Variants in HYDIN observed in about 807,000 individuals in gnomAD.
The protein encoded by HYDIN is HYDIN axonemal central pair apparatus protein, also known as axonemal central pair apparatus protein HYDIN.
Under a neutral mutation model 403.9 loss-of-function variants are expected in HYDIN, and 132 were observed. That is an observed-to-expected ratio of 0.33 (90% CI 0.28 to 0.38). HYDIN has a LOEUF of 0.38. Among genes scored for constraint, HYDIN ranks in the 10% least tolerant of loss-of-function variants. The pLI, the probability that HYDIN is intolerant of heterozygous loss-of-function variation, is 1.00. For synonymous variants in HYDIN, 1,202 were observed against 1,891.7 expected (o/e 0.64, Z 9.46); for missense variants, 2,827 against 5,009.5 (o/e 0.56, Z 13.15).
At chr16:70,927,949 TAA>T (rs796753706) in intron 45 of HYDIN, among the ~76,000 whole-genome samples, 1 of 132,720 alleles carries the variant, frequency 7.5e-6, no homozygotes. Context: ...AACCTGTACC[TAA>T]AAAAAAAAAA....
chr16:70,918,005 T>C (rs113106780), intron 47 of HYDIN, among the ~76,000 whole-genome samples: 2 of 151,240 alleles, frequency 1.3e-5, no homozygotes, highest in African/African-American at 4.9e-5. Flanking sequence ...TCTTAGGAGG[T>C]AGGACAAGTC....
chr16:70,981,267 A>G, intron 29 of HYDIN, 124 bp downstream of exon 29: 11 of 1,399,146 alleles, frequency 7.9e-6, no homozygotes, highest in South Asian at 1.7e-5. Context: ...TTGCAGAATA[A>G]CGTGGAAGAG....
At chr16:71,066,372 C>T (rs1158299805) in intron 15 of HYDIN, 2 of 154,360 alleles carry the variant, frequency 1.3e-5, no homozygotes, top group African/African-American at 4.8e-5. Context: ...AAGCCCAAGA[C>T]ACGTGAAATA....
chr16:71,185,045 TG>T, intron 2 of HYDIN, 55 bp from the exon 3 acceptor site: 2 of 1,373,292 alleles, frequency 1.5e-6, no homozygotes, highest in Non-Finnish European at 2.0e-6. Flanking sequence ...ACTGAAAAAG[TG>T]TTTTCATAAG....
At chr16:71,188,415 G>T (rs988872025) in intron 1 of HYDIN, among the ~76,000 whole-genome samples, 1 of 152,138 alleles carries the variant, frequency 6.6e-6, no homozygotes, top group African/African-American at 2.4e-5. Flanking sequence ...TTTGGTTGGG[G>T]AGCCCATTCT....
Position 70,840,068 on chromosome 16 carries a change from T to C in HYDIN, c.13039A>G (p.Met4347Val), listed in dbSNP as rs2037712801. The change falls in exon 76 of 86, where the codon ATG (methionine) becomes GTG (valine). Residue 4347 changes from methionine (M) to valine (V), a missense_variant. Transcript: ENST00000393567. ...LVITNKEETP[M>V]SIDCLYTNTT... ...AGGCTCTGGAAGCCTGCTTACCTCA[T>C]AGGTGTTTCTTCCTTGTTGGTAATT... is the stretch of plus-strand genomic sequence containing the variant. The C allele has an allele frequency of 4.4e-6, 3 of 683,246 alleles. No homozygotes were observed. Among genetic ancestry groups the C allele is most frequent in the Admixed American group, 2.7e-5 (1 of 37,316 alleles). The allele number at this position is 683,246 out of a possible 1,614,324, so 42.3% of individuals were successfully genotyped here. A position where few individuals can be genotyped will look rare whatever the true frequency, so the allele number is the denominator to read the frequency against.
At position 70,805,663 on chromosome 16, in the gene HYDIN, T is replaced by C. The variant is rs2035076462; in HGVS notation, c.*1917A>G. Among the ~76,000 whole-genome samples the C allele has an allele frequency of 6.6e-6, 1 of 152,214 alleles. No individual in the cohort carries two copies. Among genetic ancestry groups the C allele is most frequent in the African/African-American group, 2.4e-5 (1 of 41,462 alleles). On this transcript the variant is annotated 3_prime_UTR_variant, in exon 86 of 86. Transcript: ENST00000393567. ...GCAAGTCATCACTCTTGCTCATTGA[T>C]CTTAGCATCCTCTCAGATTATTGGT...
intron 10 of HYDIN, among the ~76,000 whole-genome samples, chr16:71,097,821 G>A (rs886671691): frequency 3.3e-5 from 5 of 151,318 alleles, no homozygotes; most frequent in African/African-American, 4.9e-5. Context: ...TTGATGCTTC[G>A]TTGATGTAGT....
At position 71,093,836 on chromosome 16, in the gene HYDIN, C is replaced by T. The variant is rs865963159; in HGVS notation, c.1427G>A (p.Gly476Glu). 2 of 1,613,568 alleles carry T rather than the reference C, an allele frequency of 1.2e-6. No homozygotes were observed. Among genetic ancestry groups the T allele is most frequent in the Admixed American group, 3.3e-5 (2 of 59,968 alleles). ...GCTTACCTCATAACAATGTGCAGAT[C>T]CAGTGAAAACTTTCCCAATATCCAG... ...ELLDIGKVFT[G>E]SAHCYEAILY... The change falls in exon 11 of 86, where the codon GGA (glycine) becomes GAA (glutamate). Residue 476 changes from glycine (G) to glutamate (E), a missense_variant. Transcript: ENST00000393567.
chr16:70,839,650 C>T (rs527993653), intron 76 of HYDIN, among the ~76,000 whole-genome samples: 1 of 152,294 alleles, frequency 6.6e-6, no homozygotes, highest in East Asian at 1.9e-4. Context: ...TAGAACATCC[C>T]ACACAGGGAT....
At chr16:70,928,249 G>A (rs969644894) in intron 45 of HYDIN, among the ~76,000 whole-genome samples, 8 of 152,250 alleles carry the variant, frequency 5.3e-5, no homozygotes, top group Non-Finnish European at 1.2e-4. Context: ...GACTGCTTGA[G>A]CCCGGGAGTT....
chr16:71,191,054 C>G (rs1248265430), intron 1 of HYDIN, among the ~76,000 whole-genome samples: 1 of 152,006 alleles, frequency 6.6e-6, no homozygotes, highest in Non-Finnish European at 1.5e-5. Context: ...TTACACCAAC[C>G]AAATACAAGA....
chr16:71,036,936 C>T (rs981546937), intron 18 of HYDIN, among the ~76,000 whole-genome samples: 8 of 149,966 alleles, frequency 5.3e-5, no homozygotes, highest in Admixed American at 6.7e-5. Context: ...AAGGAAAGGA[C>T]GAATGATAAT....
rs1198794491 is a variant in HYDIN at position 70,804,955 on chromosome 16, A to G, written c.*2625T>C. Reference sequence around the variant, plus strand: ...TATAAGCCATGCTGGGGCTGGTGGCATGTTAGACAAGATTTCAGACAGCTT... The same window carrying G: ...TATAAGCCATGCTGGGGCTGGTGGCGTGTTAGACAAGATTTCAGACAGCTT... On this transcript the variant is annotated 3_prime_UTR_variant, in exon 86 of 86. Coordinates refer to ENST00000393567, the MANE Select transcript of HYDIN (RefSeq NM_001270974.2). 6.6e-6 allele frequency among the ~76,000 whole-genome samples: 1 copy of G among 152,276 alleles called. No homozygotes were observed. The highest frequency in any genetic ancestry group is 1.5e-5 in the Non-Finnish European group (1 of 68,050).
At chr16:71,155,061 T>C (rs2144585431) in intron 6 of HYDIN, among the ~76,000 whole-genome samples, 1 of 140,638 alleles carries the variant, frequency 7.1e-6, no homozygotes, top group African/African-American at 2.8e-5. Flanking sequence ...TGGATGTGTT[T>C]GGGTGTTTCG....
chr16:70,941,981 GA>G (rs1472339324), intron 42 of HYDIN, among the ~76,000 whole-genome samples, 162 bp from the exon 43 acceptor site: 2 of 140,152 alleles, frequency 1.4e-5, no homozygotes, highest in African/African-American at 2.6e-5. Context: ...TAAAATAAAA[GA>G]AAAGAATAAA....
At chr16:70,878,737 AT>A (rs1243108787) in intron 62 of HYDIN, among the ~76,000 whole-genome samples, 7 of 142,492 alleles carry the variant, frequency 4.9e-5, no homozygotes, top group African/African-American at 2.1e-4. Context: ...CACTGAAGGC[AT>A]TGCTGAAACC....
At chr16:70,934,255 A>G (rs2077435495) in intron 45 of HYDIN, among the ~76,000 whole-genome samples, 1 of 152,078 alleles carries the variant, frequency 6.6e-6, no homozygotes, top group Non-Finnish European at 1.5e-5. Context: ...GACGAGGCAA[A>G]GCCAGCAAGT....
chr16:71,000,733 C>G (rs2079679283), intron 23 of HYDIN, among the ~76,000 whole-genome samples: 1 of 151,572 alleles, frequency 6.6e-6, no homozygotes, highest in East Asian at 2.0e-4. Context: ...TAATTTGACC[C>G]CCCGGTCAGA....
Sources: allele counts gnomAD v4.1 joint callset (sites outside exome capture counted in the v4.1 genomes callset), GRCh38; gene constraint gnomAD v4.1.1; transcripts MANE v1.5; gene names NCBI Gene and HGNC (gene_info 2026-07-23, HGNC 2026-07-21).